ANKRD28: variants seen among roughly 807,000 people sequenced by gnomAD.
ANKRD28 encodes ankyrin repeat domain 28, also known as serine/threonine-protein phosphatase 6 regulatory ankyrin repeat subunit A.
A neutral mutation model predicts 126.5 loss-of-function variants in ANKRD28; 44 were observed. That is an observed-to-expected ratio of 0.35 (90% CI 0.27 to 0.45). The LOEUF (loss-of-function observed/expected upper bound fraction) is 0.45. Among genes scored for constraint, ANKRD28 ranks in the 20% least tolerant of loss-of-function variants. The probability of loss-of-function intolerance (pLI) is 1.00; values close to 1 mark genes in which losing one functional copy is unlikely to be tolerated. For missense variants in ANKRD28, 1,110 were observed against 1,316.6 expected, an observed-to-expected ratio of 0.84 and a Z score of 2.43; for synonymous variants, 442 against 468.5, an observed-to-expected ratio of 0.94 and a Z score of 0.73.
chr3:15,795,292 T>C lies in ANKRD28; in HGVS notation c.132A>G (p.Gln44=), dbSNP rs764054245. 1.9e-6 allele frequency: 3 copies of C among 1,610,918 alleles called. No individual in the cohort carries two copies. Among genetic ancestry groups the C allele is most frequent in the South Asian group, 2.2e-5 (2 of 90,990 alleles). ...CATCAGGATCTCCGTTAAATATAGC[T>C]TGCACCAGTGATGGCTAAAATAGAA... ...PSGNVLPSLV[Q]AIFNGDPDEV... The change falls in exon 2 of 28, where the codon CAA becomes CAG. Residue 44 remains glutamine, a synonymous_variant. Coordinates refer to ENST00000683139, the MANE Select transcript of ANKRD28 (RefSeq NM_001349278.2).
At chr3:15,675,876 A>G in intron 27 of ANKRD28, 22 bp downstream of exon 27, 1 of 1,569,038 alleles carries the variant, frequency 6.4e-7, no homozygotes, top group Non-Finnish European at 8.7e-7. Context: ...GGTTAAGGGA[A>G]GAGAATATAG....
intron 18 of ANKRD28, among the ~76,000 whole-genome samples, chr3:15,687,699 T>G (rs2064093137): frequency 6.6e-6 from 1 of 151,760 alleles, no homozygotes; most frequent in South Asian, 2.1e-4. Flanking sequence ...AAATCACCTC[T>G]CCTACCCTAG....
chr3:15,821,059 G>A (rs1219567617), intron 1 of ANKRD28, among the ~76,000 whole-genome samples: 2 of 152,094 alleles, frequency 1.3e-5, no homozygotes, highest in Non-Finnish European at 1.5e-5. Flanking sequence ...ATCCATTGCC[G>A]GATGTTTAGT....
intron 6 of ANKRD28, among the ~76,000 whole-genome samples, chr3:15,729,683 CAG>C (rs1166914617): frequency 6.6e-6 from 1 of 152,080 alleles, no homozygotes; most frequent in East Asian, 1.9e-4. Flanking sequence ...GGCTTTCAAA[CAG>C]AGGCACCCCT....
intron 3 of ANKRD28, among the ~76,000 whole-genome samples, chr3:15,758,486 T>C (rs9810985): frequency 0.041 from 6,228 of 152,232 alleles, 410 homozygotes; most frequent in African/African-American, 0.14. Flanking sequence ...TAACTGGAGA[T>C]AGACTCTTTA....
At chr3:15,793,021 T>C (rs899200319) in intron 2 of ANKRD28, among the ~76,000 whole-genome samples, 25 of 152,122 alleles carry the variant, frequency 1.6e-4, no homozygotes, top group Non-Finnish European at 3.1e-4. Context: ...TGAACTTATA[T>C]CCATTCTAAA....
chr3:15,728,015 G>A (rs955289973), intron 6 of ANKRD28, among the ~76,000 whole-genome samples: 2 of 152,292 alleles, frequency 1.3e-5, no homozygotes, highest in African/African-American at 4.8e-5. Context: ...GAAGGGAAGA[G>A]TCCATCGATG....
At chr3:15,711,122 C>T in intron 12 of ANKRD28, 89 bp downstream of exon 12, 2 of 1,145,684 alleles carry the variant, frequency 1.7e-6, no homozygotes, top group East Asian at 2.6e-5. Context: ...TTCTGGCAGC[C>T]CAGAATTAAT....
At position 15,711,555 on chromosome 3, in the gene ANKRD28, T is replaced by C. The variant is rs547706810; in HGVS notation, c.1274-281A>G. On this transcript the variant is annotated intron_variant, in intron 11 of 27. Transcript: ENST00000683139. The stretch of plus-strand genomic sequence containing the variant: ...AAGATCACATGTTGGGTGAGTCCAT[T>C]TATAGGAACTGTTCAGAACAGGCAA... 6.6e-5 allele frequency among the ~76,000 whole-genome samples: 10 copies of C among 152,244 alleles called. No individual in the cohort carries two copies. In the East Asian group the frequency reaches 1.9e-3, roughly 29 times the overall value.
chr3:15,813,763 T>C (rs975805693), intron 1 of ANKRD28, among the ~76,000 whole-genome samples: 1 of 152,196 alleles, frequency 6.6e-6, no homozygotes, highest in Non-Finnish European at 1.5e-5. Context: ...TAGGAGTCAC[T>C]CAAATAATTG....
At chr3:15,807,431 AATC>A (rs1259997176) in intron 1 of ANKRD28, among the ~76,000 whole-genome samples, 2 of 152,366 alleles carry the variant, frequency 1.3e-5, no homozygotes, top group African/African-American at 4.8e-5. Flanking sequence ...ATTGCAAGGA[AATC>A]ATTTTATAAA....
At position 15,815,535 on chromosome 3, in the gene ANKRD28, C is replaced by T. The variant is rs535979863; in HGVS notation, c.28-20229G>A. ...CTGGTCTCAAACTCCTGGGCTCAAG[C>T]GATCCTCCTGCCTTGGCCTCCCAAA... On this transcript the variant is annotated intron_variant, in intron 1 of 27. Transcript: ENST00000399451. The surrounding 1 kb of genome is among the most constrained non-coding windows in gnomAD (Gnocchi z 4.1). Among the ~76,000 whole-genome samples the T allele has an allele frequency of 7.9e-5, 12 of 152,190 alleles. No homozygotes were observed. The highest frequency in any genetic ancestry group is 2.4e-4 in the African/African-American group (10 of 41,526).
In ANKRD28 at chr3:15,749,095, G is replaced by GTTTTTT. The variant is rs1357402514; in HGVS notation, c.351+2654_351+2655insAAAAAA. 5.1e-4 allele frequency among the ~76,000 whole-genome samples: 55 copies of GTTTTTT among 106,982 alleles called. 8 individuals are homozygous for GTTTTTT. The highest frequency in any genetic ancestry group is 9.3e-4 in the African/African-American group (22 of 23,704). The allele number at this position is 106,982 out of a possible 152,430, so 70.2% of individuals were successfully genotyped here. A position where few individuals can be genotyped will look rare whatever the true frequency, so the allele number is the denominator to read the frequency against. On this transcript the variant is annotated intron_variant, in intron 4 of 27. Coordinates refer to ENST00000683139, the MANE Select transcript of ANKRD28 (RefSeq NM_001349278.2). Reference sequence around the variant, plus strand: ...ATTTTCCTTTCATATTCTATATTATGTTTTTGTTTTTTTTTTTTTTTTTTT... The same window carrying GTTTTTT: ...ATTTTCCTTTCATATTCTATATTATGTTTTTTTTTTTGTTTTTTTTTTTTTTTTTTT...
chr3:15,679,179 A>G, intron 23 of ANKRD28, 122 bp downstream of exon 23: 2 of 848,226 alleles, frequency 2.4e-6, no homozygotes, highest in South Asian at 3.0e-5. Flanking sequence ...TATGTTGACC[A>G]GGCTGGTCTT....
At chr3:15,762,095 A>T (rs2058487438) in intron 3 of ANKRD28, among the ~76,000 whole-genome samples, 1 of 150,232 alleles carries the variant, frequency 6.7e-6, no homozygotes. Flanking sequence ...CTGAGGCAGG[A>T]GAATCATTTG....
intron 17 of ANKRD28, among the ~76,000 whole-genome samples, chr3:15,693,246 T>C (rs557330277): frequency 6.6e-6 from 1 of 152,204 alleles, no homozygotes; most frequent in African/African-American, 2.4e-5. Flanking sequence ...GAAGGTACGT[T>C]TTATGCTATG....
At chr3:15,739,434 C>T (rs1048177494) in intron 4 of ANKRD28, among the ~76,000 whole-genome samples, 8 of 152,210 alleles carry the variant, frequency 5.3e-5, no homozygotes, top group African/African-American at 1.9e-4. Flanking sequence ...CTTCCCGCAA[C>T]AGTAAATGAA....
At position 15,817,952 on chromosome 3, in the gene ANKRD28, C is replaced by T. The variant is rs1307431752; in HGVS notation, c.28-22646G>A. 6.6e-6 allele frequency among the ~76,000 whole-genome samples: 1 copy of T among 152,104 alleles called. No individual in the cohort carries two copies. ...TCATAGATTACCATTGCTGTTTCTACATACTACCAATGAACAACTGGAAAT... is the reference window on the plus strand; with the variant it reads ...TCATAGATTACCATTGCTGTTTCTATATACTACCAATGAACAACTGGAAAT... On this transcript the variant is annotated intron_variant, in intron 1 of 27. Transcript: ENST00000399451. This position sits in a 1 kb window ranked among gnomAD's most constrained non-coding sequence, Gnocchi z 4.5.
chr3:15,770,966 G>C (rs2058971234), intron 2 of ANKRD28, among the ~76,000 whole-genome samples: 1 of 152,164 alleles, frequency 6.6e-6, no homozygotes, highest in Non-Finnish European at 1.5e-5. Context: ...CTTATTTACT[G>C]TGTAAAATTA....
Sources: gnomAD v4.1 joint callset for allele counts (sites outside exome capture counted in the v4.1 genomes callset) on GRCh38, gnomAD v4.1.1 for gene constraint, Gnocchi (gnomAD v3.1) non-coding constraint, MANE v1.5 for transcripts, NCBI Gene and HGNC (gene_info 2026-07-23, HGNC 2026-07-21) for gene names.